Variants in PPP1R12B observed in about 807,000 individuals in gnomAD.
PPP1R12B encodes the protein myosin phosphatase target subunit 2.
A neutral mutation model predicts 126.1 loss-of-function variants in PPP1R12B; 76 were observed. The ratio of observed to expected loss-of-function variants is 0.60; its 90% CI spans 0.50 to 0.73. The LOEUF is 0.73. PPP1R12B is among the 30% of genes least tolerant of loss of function. The pLI is 0.00. For synonymous variants in PPP1R12B, 356 were observed against 434.7 expected (o/e 0.82, Z 2.25); for missense variants, 1,052 against 1,205.1 (o/e 0.87, Z 1.88).
At chr1:202,444,552 T>C (rs181135137) in intron 12 of PPP1R12B, among the ~76,000 whole-genome samples, 122 of 152,352 alleles carry the variant, frequency 8.0e-4, no homozygotes, top group African/African-American at 2.8e-3. Flanking sequence ...TTTTAAATTT[T>C]AAATCTCTGC....
At chr1:202,433,301 G>A (rs1670406967) in intron 8 of PPP1R12B, among the ~76,000 whole-genome samples, 1 of 152,088 alleles carries the variant, frequency 6.6e-6, no homozygotes, top group African/African-American at 2.4e-5. Context: ...AAAATTGGAG[G>A]GATCTGCCTG....
intron 1 of PPP1R12B, among the ~76,000 whole-genome samples, chr1:202,397,116 C>A (rs764756591): frequency 1.1e-4 from 17 of 152,112 alleles, no homozygotes; most frequent in Non-Finnish European, 2.4e-4. Flanking sequence ...CCTTTCTTAG[C>A]CATATTTTTC....
chr1:202,564,665 C>A, intron 21 of PPP1R12B, 118 bp downstream of exon 21: 1 of 702,106 alleles, frequency 1.4e-6, no homozygotes, highest in Non-Finnish European at 2.3e-6. Context: ...CTTCTCGGGG[C>A]AATGAGATAG....
At chr1:202,349,485 C>T (rs1000846023) in intron 1 of PPP1R12B, among the ~76,000 whole-genome samples, 1 of 152,182 alleles carries the variant, frequency 6.6e-6, no homozygotes, top group African/African-American at 2.4e-5. Context: ...CACACCGCGT[C>T]ACTCATAGGC....
chr1:202,471,528 A>C (rs1481438909), intron 13 of PPP1R12B, among the ~76,000 whole-genome samples: 1 of 151,096 alleles, frequency 6.6e-6, no homozygotes, highest in Admixed American at 6.6e-5. Context: ...TCTCACCAGC[A>C]ATGTACGTGA....
intron 1 of PPP1R12B, among the ~76,000 whole-genome samples, chr1:202,396,022 A>T (rs1664929536): frequency 6.6e-6 from 1 of 152,138 alleles, no homozygotes; most frequent in Non-Finnish European, 1.5e-5. Flanking sequence ...ATACTTCTGT[A>T]TGCTCCTCAC....
At chr1:202,532,336 C>T (rs1158686701) in intron 18 of PPP1R12B, among the ~76,000 whole-genome samples, 1 of 152,134 alleles carries the variant, frequency 6.6e-6, no homozygotes, top group African/African-American at 2.4e-5. Context: ...TCTTTGTGAC[C>T]TGTATCTTGT....
chr1:202,397,485 C>T, intron 1 of PPP1R12B, among the ~76,000 whole-genome samples: 1 of 152,180 alleles, frequency 6.6e-6, no homozygotes, highest in Middle Eastern at 3.2e-3. Flanking sequence ...ACATGCCCAG[C>T]TTCAAATAGA....
At chr1:202,580,419 G>T in intron 23 of PPP1R12B, 55 bp from the exon 24 acceptor site, 2 of 1,451,374 alleles carry the variant, frequency 1.4e-6, no homozygotes, top group South Asian at 2.3e-5. Flanking sequence ...GGTCAGGGAG[G>T]GCCAAGGAGG....
chr1:202,525,395 AT>A (rs990845079), intron 18 of PPP1R12B, among the ~76,000 whole-genome samples: 7 of 152,134 alleles, frequency 4.6e-5, no homozygotes, highest in African/African-American at 1.7e-4. Context: ...AAAAAAAAAA[AT>A]GTATCATGAA....
At chr1:202,567,739 CAACTT>C (rs1688192806) in intron 21 of PPP1R12B, 34 bp from the exon 22 acceptor site, 3 of 1,607,096 alleles carry the variant, frequency 1.9e-6, no homozygotes, top group Non-Finnish European at 2.6e-6. Flanking sequence ...GGCCCTTAGA[CAACTT>C]AAATAACAAC....
intron 13 of PPP1R12B, among the ~76,000 whole-genome samples, chr1:202,480,545 C>T (rs902107690): frequency 2.6e-5 from 4 of 152,212 alleles, no homozygotes; most frequent in Middle Eastern, 3.4e-3. Flanking sequence ...ATAAAGTCAA[C>T]CCATTGAGTA....
chr1:202,513,909 A>C (rs567694886), intron 18 of PPP1R12B, among the ~76,000 whole-genome samples: 1 of 152,326 alleles, frequency 6.6e-6, no homozygotes, highest in South Asian at 2.1e-4. Context: ...TCAACAGGGA[A>C]ATGATCAGAG....
chr1:202,471,363 C>T (rs1439759877), intron 13 of PPP1R12B, among the ~76,000 whole-genome samples: 1 of 150,620 alleles, frequency 6.6e-6, no homozygotes, highest in Non-Finnish European at 1.5e-5. Context: ...TTTTTCTTCC[C>T]CTAATACTAA....
intron 18 of PPP1R12B, chr1:202,527,540 G>A (rs562616445): frequency 1.3e-5 from 2 of 152,260 alleles, no homozygotes; most frequent in South Asian, 4.1e-4. Context: ...AGATTATTTT[G>A]AGCAACTTTA....
chr1:202,569,745 C>T (rs973054160), intron 23 of PPP1R12B, among the ~76,000 whole-genome samples: 1 of 152,218 alleles, frequency 6.6e-6, no homozygotes, highest in African/African-American at 2.4e-5. Flanking sequence ...GCTTGGCACT[C>T]TCCCACTAGA....
Position 202,474,894 on chromosome 1 carries a change from T to C in PPP1R12B, c.1851-13639T>C, listed in dbSNP as rs1208248383. Among the ~76,000 whole-genome samples, 6 of 152,272 alleles carry C rather than the reference T, an allele frequency of 3.9e-5. No individual in the cohort carries two copies. The East Asian group carries it at 1.2e-3, about 29-fold the overall frequency. ...TTCTGTTGGTCAGTACTAAAGAAAGTAACCTATGAAATATAAGAAATGTAG... is the reference window on the plus strand; with the variant it reads ...TTCTGTTGGTCAGTACTAAAGAAAGCAACCTATGAAATATAAGAAATGTAG... On this transcript the variant is annotated intron_variant, in intron 13 of 23. Transcript: ENST00000608999.
intron 1 of PPP1R12B, among the ~76,000 whole-genome samples, chr1:202,351,995 T>C (rs10920392): frequency 0.41 from 62,688 of 152,050 alleles, 14,833 homozygotes; most frequent in East Asian, 0.7. Flanking sequence ...TGAGTTAGAC[T>C]GGGATAAGAA....
intron 1 of PPP1R12B, among the ~76,000 whole-genome samples, chr1:202,382,575 G>A (rs1049450855): frequency 6.6e-5 from 10 of 151,498 alleles, no homozygotes; most frequent in African/African-American, 2.4e-4. Flanking sequence ...TTCTTTGAGA[G>A]CTTTAAAAAA....
Sources: allele counts gnomAD v4.1 joint callset (sites outside exome capture counted in the v4.1 genomes callset), GRCh38; gene constraint gnomAD v4.1.1; transcripts MANE v1.5; gene names NCBI Gene and HGNC (gene_info 2026-07-23, HGNC 2026-07-21).